Variants in EIF2B2 observed in about 807,000 individuals in gnomAD.
The protein encoded by EIF2B2 is translation initiation factor eIF2B subunit beta.
In EIF2B2, 34 loss-of-function variants were observed where a neutral mutation model predicts 34.7. That is an observed-to-expected ratio of 0.98 (90% CI 0.75 to 1.31). EIF2B2 has a LOEUF of 1.31. Among genes scored for constraint, EIF2B2 ranks in the 50% most tolerant of loss-of-function variants. The pLI is 0.00. For synonymous variants in EIF2B2, 155 were observed against 171.6 expected (o/e 0.90, Z 0.76); for missense variants, 361 against 447.7 (o/e 0.81, Z 1.75).
rs771471015 is a variant in EIF2B2, at chr14:75,006,867, C to T, written c.831+153C>T. 16 of 1,151,876 alleles carry T rather than the reference C, an allele frequency of 1.4e-5. No homozygotes were observed. The highest frequency in any genetic ancestry group is 2.1e-5 in the Non-Finnish European group (16 of 777,058). 71.4% of individuals were successfully genotyped at this position (1,151,876 alleles called of 1,614,324 possible). On this transcript the variant is annotated intron_variant, in intron 6 of 7. Coordinates refer to ENST00000266126, the MANE Select transcript of EIF2B2 (RefSeq NM_014239.4). This position sits in a 1 kb window ranked among gnomAD's most constrained non-coding sequence, Gnocchi z 4.1. The stretch of plus-strand genomic sequence containing the variant: ...ACCCAGTGGAGGCTGGAAAGAACCA[C>T]AGAAGTCTTGATTCAGTAAAACAGT...
At chr14:75,004,604 C>G (rs905260886) in intron 3 of EIF2B2, 133 bp from the exon 4 acceptor site, 3 of 268,448 alleles carry the variant, frequency 1.1e-5, no homozygotes, top group Non-Finnish European at 1.8e-5. Flanking sequence ...GTGGGCAGTG[C>G]ATGTGAAGGG....
chr14:75,003,244 C>G, intron 1 of EIF2B2, 31 bp from the exon 2 acceptor site: 3 of 1,613,492 alleles, frequency 1.9e-6, no homozygotes, highest in South Asian at 1.1e-5. Context: ...TTCGCGTTGG[C>G]TCCTCTTATC....
Position 75,012,041 on chromosome 14 carries a change from T to C in EIF2B2, c.*2853T>C, listed in dbSNP as rs886834544. ...GCAGGAATGCATACTTTTTAGAATC[T>C]TTATGACCCCAATTAAGTAAACCCT... On this transcript the variant is annotated 3_prime_UTR_variant, in exon 8 of 8. Transcript: ENST00000266126. 1 of 152,228 alleles carries C rather than the reference T, an allele frequency of 6.6e-6. No individual in the cohort carries two copies. Among genetic ancestry groups the C allele is most frequent in the African/African-American group, 2.4e-5 (1 of 41,462 alleles). The allele number at this position is 152,228 out of a possible 1,614,324, so 9.4% of individuals were successfully genotyped here.
intron 7 of EIF2B2, 51 bp from the exon 8 acceptor site, chr14:75,008,980 A>G: frequency 6.2e-7 from 1 of 1,612,440 alleles, no homozygotes; most frequent in Non-Finnish European, 8.5e-7. Context: ...CTACTTAATT[A>G]TGAGAGAGGG....
chr14:75,011,954 T>C lies in EIF2B2; in HGVS notation c.*2766T>C, dbSNP rs933606144. ...CCTTCCCAGGCATGACTGAGTTGGA[T>C]GAAGGTTATAAGGGTAGAAGCTCTC... is the stretch of plus-strand genomic sequence containing the variant. On this transcript the variant is annotated 3_prime_UTR_variant, in exon 8 of 8. Coordinates refer to ENST00000266126, the MANE Select transcript of EIF2B2 (RefSeq NM_014239.4). 6.6e-6 allele frequency: 1 copy of C among 152,218 alleles called. No individual in the cohort carries two copies. The highest frequency in any genetic ancestry group is 1.5e-5 in the Non-Finnish European group (1 of 68,030). 9.4% of individuals were successfully genotyped at this position (152,218 alleles called of 1,614,324 possible). A position where few individuals can be genotyped will look rare whatever the true frequency, so the allele number is the denominator to read the frequency against.
At position 75,006,955 on chromosome 14, in the gene EIF2B2, A is replaced by G; in HGVS notation, c.831+241A>G. ...TGTAAGGACAATATGTAGTTGGGAA[A>G]GGTCCTTTGCTTACGATTGCCACCA... On this transcript the variant is annotated intron_variant, in intron 6 of 7. Coordinates refer to ENST00000266126, the MANE Select transcript of EIF2B2 (RefSeq NM_014239.4). The surrounding 1 kb of genome is among the most constrained non-coding windows in gnomAD (Gnocchi z 4.1). 3.0e-6 allele frequency: 2 copies of G among 677,232 alleles called. No individual in the cohort carries two copies. Among genetic ancestry groups the G allele is most frequent in the South Asian group, 3.0e-5 (2 of 67,128 alleles). 42.0% of individuals were successfully genotyped at this position (677,232 alleles called of 1,614,324 possible).
chr14:75,010,446 A>G lies in EIF2B2; in HGVS notation c.*1258A>G, dbSNP rs1889689304. On this transcript the variant is annotated 3_prime_UTR_variant, in exon 8 of 8. Transcript: ENST00000266126. Reference sequence around the variant, plus strand: ...ACACCGTGGAACATTATACATGGCAATAGAAGTTTCAAAAGGATGGCTGGA... The same window carrying G: ...ACACCGTGGAACATTATACATGGCAGTAGAAGTTTCAAAAGGATGGCTGGA... The G allele has an allele frequency of 6.6e-6, 1 of 152,230 alleles. No homozygotes were observed. The highest frequency in any genetic ancestry group is 1.5e-5 in the Non-Finnish European group (1 of 68,042). The allele number at this position is 152,230 out of a possible 1,614,324, so 9.4% of individuals were successfully genotyped here.
At chr14:75,007,606 TG>T in intron 6 of EIF2B2, 115 bp from the exon 7 acceptor site, 1 of 836,362 alleles carries the variant, frequency 1.2e-6, no homozygotes, top group Non-Finnish European at 1.9e-6. Flanking sequence ...TGAATAATGC[TG>T]CTATAAGCAT....
At chr14:75,003,244 C>T (rs377750951) in intron 1 of EIF2B2, 31 bp from the exon 2 acceptor site, 4 of 1,613,492 alleles carry the variant, frequency 2.5e-6, no homozygotes, top group East Asian at 2.2e-5. Context: ...TTCGCGTTGG[C>T]TCCTCTTATC....
intron 6 of EIF2B2, chr14:75,007,335 T>C: frequency 5.7e-6 from 2 of 348,884 alleles, no homozygotes; most frequent in South Asian, 4.6e-5. Context: ...AATCTCTCCC[T>C]ATTTGTCCTT....
chr14:75,007,309 C>G lies in EIF2B2; in HGVS notation c.832-413C>G, dbSNP rs370126208. On this transcript the variant is annotated intron_variant, in intron 6 of 7. Coordinates refer to ENST00000266126, the MANE Select transcript of EIF2B2 (RefSeq NM_014239.4). The stretch of plus-strand genomic sequence containing the variant: ...CTTTTTCTCCACTGTAGAAAAACAC[C>G]CTGTACCCATTAAGTAATCTCTCCC... The G allele has an allele frequency of 3.1e-5, 11 of 354,638 alleles. 1 individual carries two copies. The highest frequency in any genetic ancestry group is 2.2e-4 in the South Asian group (10 of 44,532). The allele number at this position is 354,638 out of a possible 1,614,324, so 22.0% of individuals were successfully genotyped here.
At chr14:75,008,910 C>T in intron 7 of EIF2B2, 121 bp from the exon 8 acceptor site, 1 of 1,345,402 alleles carries the variant, frequency 7.4e-7, no homozygotes, top group Non-Finnish European at 1.1e-6. Context: ...TGCATTTTTC[C>T]ATAGCTTCCC....
intron 3 of EIF2B2, among the ~76,000 whole-genome samples, chr14:75,004,259 C>T (rs1321522294): frequency 6.6e-6 from 1 of 152,192 alleles, no homozygotes; most frequent in Non-Finnish European, 1.5e-5. Context: ...TAGGATTTCC[C>T]AGATTGCCAT....
In EIF2B2 at chr14:75,006,539, C is replaced by A; in HGVS notation, c.694-38C>A. 1 of 1,611,094 alleles carries A rather than the reference C, an allele frequency of 6.2e-7. No homozygotes were observed. Among genetic ancestry groups the A allele is most frequent in the Non-Finnish European group, 8.5e-7 (1 of 1,179,948 alleles). The stretch of plus-strand genomic sequence containing the variant: ...GGCCAGTGGCCCTTTTAGGGCTCCA[C>A]CCCCAGGATGGCTCACATTTTTTGT... On this transcript the variant is annotated intron_variant, in intron 5 of 7. Transcript: ENST00000266126. The surrounding 1 kb of genome is among the most constrained non-coding windows in gnomAD (Gnocchi z 4.1).
chr14:75,004,689 A>ATATATTTTTTTTTT, intron 3 of EIF2B2, 48 bp from the exon 4 acceptor site: 8 of 155,332 alleles, frequency 5.2e-5, no homozygotes, highest in African/African-American at 1.4e-4. Context: ...ATATATATAT[A>ATATATTTTTTTTTT]TTTTTTTTTT....
chr14:75,009,047 G>A lies in EIF2B2; in HGVS notation c.915G>A (p.Lys305=), dbSNP rs1411085294. 1 of 1,613,974 alleles carries A rather than the reference G, an allele frequency of 6.2e-7. No homozygotes were observed. The highest frequency in any genetic ancestry group is 8.5e-7 in the Non-Finnish European group (1 of 1,179,998). ...LPFTEGDILE[K]VSVHCPVFDY... ...GCCTTTCAGGGGACATTCTGGAGAA[G>A]GTCAGCGTGCATTGCCCTGTGTTTG... The change falls in exon 8 of 8, where the codon AAG becomes AAA. Residue 305 remains lysine, a synonymous_variant. Coordinates refer to ENST00000266126, the MANE Select transcript of EIF2B2 (RefSeq NM_014239.4).
intron 6 of EIF2B2, chr14:75,007,079 T>G (rs1267057661): frequency 2.1e-6 from 1 of 474,346 alleles, no homozygotes; most frequent in East Asian, 6.5e-5. Flanking sequence ...CTTTGTAACC[T>G]GAATACAAGC....
intron 7 of EIF2B2, among the ~76,000 whole-genome samples, 178 bp from the exon 8 acceptor site, chr14:75,008,853 G>T (rs1889664156): frequency 6.6e-6 from 1 of 152,166 alleles, no homozygotes; most frequent in Non-Finnish European, 1.5e-5. Flanking sequence ...AGGCATGGGA[G>T]AGTTGTAAGC....
Position 75,004,744 on chromosome 14 carries a change from A to G in EIF2B2, c.441A>G (p.Thr147=), listed in dbSNP as rs764538257. The change falls in exon 4 of 8, where the codon ACA becomes ACG. Residue 147 remains threonine (T), a synonymous_variant. Transcript: ENST00000266126. ...INELLVELEG[T]MENIAAQALE... ...GCAAAACCGTTCTTACAGAAGGGAC[A>G]ATGGAGAACATTGCAGCCCAGGCTC... 6.5e-7 allele frequency: 1 copy of G among 1,538,660 alleles called. No homozygotes were observed. Among genetic ancestry groups the G allele is most frequent in the Non-Finnish European group, 8.8e-7 (1 of 1,135,030 alleles).
Sources: allele counts gnomAD v4.1 joint callset (sites outside exome capture counted in the v4.1 genomes callset), GRCh38; gene constraint gnomAD v4.1.1; non-coding constraint Gnocchi (gnomAD v3.1); transcripts MANE v1.5; gene names NCBI Gene and HGNC (gene_info 2026-07-23, HGNC 2026-07-21).